Variants in ZNF644 observed in about 807,000 individuals in gnomAD.
ZNF644 encodes the protein zinc finger motif enhancer binding protein 2.
ZNF644 carries 20 observed loss-of-function variants against 108.0 expected under a neutral mutation model. The ratio of observed to expected loss-of-function variants is 0.19; its 90% CI spans 0.13 to 0.27. The LOEUF is 0.27. ZNF644 is among the 10% of genes least tolerant of loss of function. The pLI, the probability that ZNF644 is intolerant of heterozygous loss-of-function variation, is 1.00. For synonymous variants in ZNF644, 542 were observed against 539.1 expected, an observed-to-expected ratio of 1.01 and a Z score of -0.08; for missense variants, 1,338 against 1,548.9, an observed-to-expected ratio of 0.86 and a Z score of 2.29.
intron 4 of ZNF644, among the ~76,000 whole-genome samples, chr1:90,930,889 T>A (rs1051001329): frequency 5.3e-5 from 8 of 152,304 alleles, no homozygotes; most frequent in African/African-American, 1.7e-4. Flanking sequence ...TTCTCTCTAC[T>A]CTGTATTTCC....
chr1:90,950,217 C>T (rs1652949132), intron 2 of ZNF644, among the ~76,000 whole-genome samples: 1 of 134,658 alleles, frequency 7.4e-6, no homozygotes, highest in Admixed American at 8.0e-5. Context: ...GGAAAGGTTG[C>T]AGTGAGCCGA....
rs572087585 is a variant in ZNF644 at position 91,010,748 on chromosome 1, C to T, written c.-18+11242G>A. Among the ~76,000 whole-genome samples, 450 of 138,828 alleles carry T rather than the reference C, an allele frequency of 3.2e-3. 2 individuals are homozygous for T. The highest frequency in any genetic ancestry group is 4.9e-3 in the Non-Finnish European group (299 of 60,984). 91.1% of individuals were successfully genotyped at this position (138,828 alleles called of 152,430 possible). ...ATCATGAGCTCTTTGGAGTAGAAGC[C>T]ATATCTGTGCTCTATGTATATGCAA... On this transcript the variant is annotated intron_variant, in intron 1 of 5. Transcript: ENST00000337393.
chr1:90,979,176 G>C (rs182344656), intron 2 of ZNF644, among the ~76,000 whole-genome samples: 1 of 152,250 alleles, frequency 6.6e-6, no homozygotes, highest in Admixed American at 6.5e-5. Flanking sequence ...TTTCTTAAGA[G>C]AGTATATTGT....
intron 2 of ZNF644, among the ~76,000 whole-genome samples, chr1:90,980,734 T>C (rs1005531680): frequency 6.6e-6 from 1 of 152,142 alleles, no homozygotes; most frequent in African/African-American, 2.4e-5. Context: ...ACATACTATA[T>C]ATAAAATCCA....
Position 90,947,097 on chromosome 1 carries a change from A to G in ZNF644, c.45-5788T>C, listed in dbSNP as rs979222200. 2.6e-5 allele frequency among the ~76,000 whole-genome samples: 4 copies of G among 152,330 alleles called. No individual in the cohort carries two copies. The East Asian group carries it at 7.7e-4, about 29-fold the overall frequency. On this transcript the variant is annotated intron_variant, in intron 2 of 5. Coordinates refer to ENST00000337393, the MANE Select transcript of ZNF644 (RefSeq NM_201269.3). ...GACATGGCAAAATTATGTAACAATA[A>G]GAATCAACAGTAGAAAATCAAAAGG...
intron 1 of ZNF644, among the ~76,000 whole-genome samples, chr1:90,990,954 T>C (rs1017494865): frequency 5.3e-5 from 8 of 152,140 alleles, no homozygotes; most frequent in African/African-American, 1.9e-4. Flanking sequence ...CTTTTGCGGG[T>C]GATGAATATA....
rs1457480426 is a variant in ZNF644 at position 90,940,047 on chromosome 1, T to A, written c.1307A>T (p.Asn436Ile). 2 of 1,613,974 alleles carry A rather than the reference T, an allele frequency of 1.2e-6. No individual in the cohort carries two copies. Among genetic ancestry groups the A allele is most frequent in the African/African-American group, 1.3e-5 (1 of 74,926 alleles). ...GACATTAAGATGGCGAAAGTGACTA[T>A]TCCCATCTAAATGATACATCATATG... is the stretch of plus-strand genomic sequence containing the variant. ...HRHMMYHLDGNSHFRHLNVPR... is the reference protein window; with the variant it reads ...HRHMMYHLDGISHFRHLNVPR... Residue 436 changes from asparagine (N) to isoleucine (I), a missense_variant, in exon 3 of 6, where the codon AAT (asparagine) becomes ATT (isoleucine). Coordinates refer to ENST00000337393, the MANE Select transcript of ZNF644 (RefSeq NM_201269.3).
chr1:90,949,078 G>A (rs1458553760), intron 2 of ZNF644, among the ~76,000 whole-genome samples: 1 of 151,866 alleles, frequency 6.6e-6, no homozygotes, highest in Non-Finnish European at 1.5e-5. Flanking sequence ...ATCTATTGAA[G>A]GAAGGATTTA....
intron 1 of ZNF644, 79 bp from the exon 2 acceptor site, chr1:90,982,449 T>C: frequency 1.1e-6 from 1 of 944,046 alleles, no homozygotes; most frequent in Non-Finnish European, 1.7e-6. Context: ...TACACTATTA[T>C]TTTAAATGAA....
intron 5 of ZNF644, among the ~76,000 whole-genome samples, chr1:90,917,742 C>T (rs1177241028): frequency 6.6e-6 from 1 of 152,196 alleles, no homozygotes; most frequent in African/African-American, 2.4e-5. Context: ...AAGTGATCCA[C>T]CCATCTTGGC....
chr1:90,934,994 T>C (rs1651165970), intron 4 of ZNF644, among the ~76,000 whole-genome samples: 2 of 152,270 alleles, frequency 1.3e-5, no homozygotes, highest in South Asian at 4.1e-4. Flanking sequence ...CCGCTAACTC[T>C]TGAGCTCAAG....
At chr1:90,947,771 T>A (rs1652676186) in intron 2 of ZNF644, among the ~76,000 whole-genome samples, 1 of 152,150 alleles carries the variant, frequency 6.6e-6, no homozygotes, top group East Asian at 1.9e-4. Context: ...AAACATCATG[T>A]TGAAAATGCA....
chr1:90,964,541 A>T (rs765182171), intron 2 of ZNF644, among the ~76,000 whole-genome samples: 1 of 152,152 alleles, frequency 6.6e-6, no homozygotes, highest in Non-Finnish European at 1.5e-5. Context: ...TTACTATATT[A>T]AGTTGCTCAG....
chr1:90,999,948 T>C (rs985301684), intron 1 of ZNF644, among the ~76,000 whole-genome samples: 1 of 152,172 alleles, frequency 6.6e-6, no homozygotes, highest in East Asian at 1.9e-4. Context: ...AGAAGGCCAT[T>C]ACATAATGGT....
chr1:90,972,889 T>A (rs1655634859), intron 2 of ZNF644: 1 of 152,208 alleles, frequency 6.6e-6, no homozygotes, highest in Non-Finnish European at 1.5e-5. Flanking sequence ...TGATTCTGCT[T>A]ATGAGACACT....
intron 1 of ZNF644, among the ~76,000 whole-genome samples, chr1:90,986,505 G>C (rs889886078): frequency 6.6e-6 from 1 of 151,990 alleles, no homozygotes; most frequent in African/African-American, 2.4e-5. Context: ...TTCATTAACT[G>C]TAACAAATGT....
intron 1 of ZNF644, 114 bp downstream of exon 1, chr1:91,021,876 A>C (rs1362803176): frequency 1.0e-5 from 4 of 398,246 alleles, no homozygotes; most frequent in Non-Finnish European, 1.8e-5. Flanking sequence ...CGAGAGCCGG[A>C]GGCCGGGTCC....
In ZNF644 at chr1:90,930,678, G is replaced by A. The variant is rs1650631205; in HGVS notation, c.3688+6807C>T. 3.3e-5 allele frequency among the ~76,000 whole-genome samples: 5 copies of A among 152,274 alleles called. No individual in the cohort carries two copies. In the South Asian group the frequency reaches 1.0e-3, roughly 32 times the overall value. On this transcript the variant is annotated intron_variant, in intron 4 of 5. Transcript: ENST00000337393. ...ATATAATAAAAAAGAAAATATTAAA[G>A]TACATTTAGGTGAGTACACAAGGAA...
At chr1:90,932,535 G>A (rs1650855508) in intron 4 of ZNF644, among the ~76,000 whole-genome samples, 1 of 152,090 alleles carries the variant, frequency 6.6e-6, no homozygotes, top group Non-Finnish European at 1.5e-5. Context: ...TTACTCATAT[G>A]AATTAATGAA....
Sources: gnomAD v4.1 joint callset for allele counts (sites outside exome capture counted in the v4.1 genomes callset) on GRCh38, gnomAD v4.1.1 for gene constraint, MANE v1.5 for transcripts, NCBI Gene and HGNC (gene_info 2026-07-23, HGNC 2026-07-21) for gene names.